The following PLCB1 variants were observed in gnomAD, a reference collection of about 807,000 sequenced individuals.
The protein encoded by PLCB1 is phospholipase C beta 1.
PLCB1 carries 46 observed loss-of-function variants against 161.8 expected under a neutral mutation model. The observed-to-expected ratio is 0.28, with a 90% CI of 0.22 to 0.36. PLCB1 has a LOEUF of 0.36. PLCB1 is among the 10% of genes least tolerant of loss of function. PLCB1 has a pLI of 1.00. For synonymous variants in PLCB1, 517 were observed against 503.7 expected (o/e 1.03, Z -0.35); for missense variants, 1,016 against 1,472.5 (o/e 0.69, Z 5.07).
chr20:8,400,232 A>G (rs1297679234), intron 3 of PLCB1, among the ~76,000 whole-genome samples: 1 of 152,150 alleles, frequency 6.6e-6, no homozygotes, highest in Non-Finnish European at 1.5e-5. Context: ...TTCCTCTTAG[A>G]AAGATATTTT....
chr20:8,514,226 G>C (rs745780395), intron 3 of PLCB1, among the ~76,000 whole-genome samples: 2 of 151,884 alleles, frequency 1.3e-5, no homozygotes, highest in African/African-American at 2.4e-5. Context: ...GATTGCCTGA[G>C]CTCAGGAGTT....
intron 4 of PLCB1, among the ~76,000 whole-genome samples, chr20:8,631,012 G>C (rs1005386654): frequency 1.3e-5 from 2 of 152,112 alleles, no homozygotes; most frequent in African/African-American, 4.8e-5. Flanking sequence ...TGAAGCTATG[G>C]AGAATATTTT....
chr20:8,635,078 T>G (rs1192807649), intron 4 of PLCB1, among the ~76,000 whole-genome samples: 2 of 152,220 alleles, frequency 1.3e-5, no homozygotes, highest in African/African-American at 2.4e-5. Context: ...TCTGTTGTTC[T>G]GTGAACCTTG....
At position 8,385,313 on chromosome 20, in the gene PLCB1, G is replaced by A. The variant is rs1267423919; in HGVS notation, c.246+13863G>A. The stretch of plus-strand genomic sequence containing the variant: ...TGAAGAGGCACTCTGGCTGCAGTCT[G>A]CCACAGCTGGTGTGTTGGGCTGTGG... On this transcript the variant is annotated intron_variant, in intron 3 of 31. Transcript: ENST00000338037. Among the ~76,000 whole-genome samples the A allele has an allele frequency of 2.0e-5, 3 of 152,214 alleles. No individual in the cohort carries two copies. The East Asian group carries it at 5.8e-4, about 29-fold the overall frequency.
intron 3 of PLCB1, among the ~76,000 whole-genome samples, chr20:8,627,812 T>C (rs1454646883): frequency 6.6e-6 from 1 of 152,226 alleles, no homozygotes; most frequent in Non-Finnish European, 1.5e-5. Flanking sequence ...GCTAATTCTG[T>C]GTCTCTTTGC....
intron 23 of PLCB1, among the ~76,000 whole-genome samples, chr20:8,748,517 G>C (rs1199459933): frequency 6.6e-6 from 1 of 152,164 alleles, no homozygotes; most frequent in East Asian, 1.9e-4. Context: ...CTAATGAGGG[G>C]CTTTGGGTTC....
At chr20:8,417,546 C>G (rs1252593990) in intron 3 of PLCB1, among the ~76,000 whole-genome samples, 2 of 151,776 alleles carry the variant, frequency 1.3e-5, no homozygotes, top group African/African-American at 4.8e-5. Flanking sequence ...GTGCCTTGTA[C>G]TACAACTACA....
At chr20:8,382,882 T>C (rs1040571982) in intron 3 of PLCB1, among the ~76,000 whole-genome samples, 10 of 152,198 alleles carry the variant, frequency 6.6e-5, no homozygotes, top group African/African-American at 1.9e-4. Flanking sequence ...TCTAATTTGA[T>C]TGCACTGTGG....
At chr20:8,553,390 G>T in intron 3 of PLCB1, among the ~76,000 whole-genome samples, 1 of 152,146 alleles carries the variant, frequency 6.6e-6, no homozygotes, top group East Asian at 1.9e-4. Flanking sequence ...CAAGTTCAAG[G>T]TGGAATCGTT....
chr20:8,449,297 A>G (rs1321807478), intron 3 of PLCB1, among the ~76,000 whole-genome samples: 1 of 152,202 alleles, frequency 6.6e-6, no homozygotes, highest in Non-Finnish European at 1.5e-5. Context: ...AGCTGACACT[A>G]AACACTCTTG....
intron 2 of PLCB1, among the ~76,000 whole-genome samples, chr20:8,337,796 C>A (rs1226269029): frequency 6.6e-6 from 1 of 152,090 alleles, no homozygotes; most frequent in Non-Finnish European, 1.5e-5. Flanking sequence ...TTTTCCAAAG[C>A]GGTTTATCTT....
intron 2 of PLCB1, among the ~76,000 whole-genome samples, chr20:8,364,171 C>T (rs73086295): frequency 2.9e-4 from 44 of 152,194 alleles, no homozygotes; most frequent in Non-Finnish European, 4.3e-4. Context: ...CCTTGGCTCC[C>T]GGAAGAATGC....
intron 3 of PLCB1, among the ~76,000 whole-genome samples, chr20:8,410,085 T>A (rs1232775): frequency 0.24 from 36,770 of 152,114 alleles, 4,818 homozygotes; most frequent in East Asian, 0.39. Flanking sequence ...TCTGGGTTGG[T>A]TCACTCAACA....
chr20:8,620,747 CAAAAAAAAAA>C (rs779029928), intron 3 of PLCB1, among the ~76,000 whole-genome samples: 217 of 75,252 alleles, frequency 2.9e-3, no homozygotes, highest in African/African-American at 0.011. Flanking sequence ...CTGCCCCCAC[CAAAAAAAAAA>C]AAAAAAAAAA....
intron 3 of PLCB1, among the ~76,000 whole-genome samples, chr20:8,532,938 G>A (rs191141143): frequency 1.3e-5 from 2 of 151,938 alleles, no homozygotes; most frequent in East Asian, 3.9e-4. Context: ...ATGTATACAT[G>A]TGCCATGCTG....
intron 9 of PLCB1, among the ~76,000 whole-genome samples, chr20:8,678,708 C>G (rs1020235842): frequency 1.3e-5 from 2 of 152,198 alleles, no homozygotes; most frequent in Admixed American, 1.3e-4. Context: ...CCTACTCCTT[C>G]CTTCTAAACT....
intron 31 of PLCB1, among the ~76,000 whole-genome samples, chr20:8,796,440 T>G (rs1181458919): frequency 6.6e-6 from 1 of 152,152 alleles, no homozygotes; most frequent in Non-Finnish European, 1.5e-5. Context: ...AGTAATGCAT[T>G]TGTGCCTCCT....
At chr20:8,147,576 C>T (rs1299346223) in intron 1 of PLCB1, among the ~76,000 whole-genome samples, 1 of 152,142 alleles carries the variant, frequency 6.6e-6, no homozygotes, top group Non-Finnish European at 1.5e-5. Flanking sequence ...GGAAAACAAG[C>T]AGGTGGAATT....
intron 3 of PLCB1, among the ~76,000 whole-genome samples, chr20:8,442,788 TA>T (rs1980621034): frequency 6.6e-6 from 1 of 152,126 alleles, no homozygotes; most frequent in African/African-American, 2.4e-5. Flanking sequence ...TTGAAACTAG[TA>T]AAACAGCCAA....
Sources: allele counts gnomAD v4.1 joint callset (sites outside exome capture counted in the v4.1 genomes callset), GRCh38; gene constraint gnomAD v4.1.1; transcripts MANE v1.5; gene names NCBI Gene and HGNC (gene_info 2026-07-23, HGNC 2026-07-21).